The following LDLRAD4 variants were observed in gnomAD, a reference collection of about 807,000 sequenced individuals.
LDLRAD4 encodes the protein low-density lipoprotein receptor class A domain-containing protein 4.
Under a neutral mutation model 17.0 loss-of-function variants are expected in LDLRAD4, and 5 were observed. That is an observed-to-expected ratio of 0.29 (90% CI 0.15 to 0.62). The LOEUF is 0.62. Among genes scored for constraint, LDLRAD4 ranks in the 20% least tolerant of loss-of-function variants. The pLI is 0.84. For missense variants in LDLRAD4, 340 were observed against 424.7 expected, an observed-to-expected ratio of 0.80 and a Z score of 1.75; for synonymous variants, 168 against 171.8, an observed-to-expected ratio of 0.98 and a Z score of 0.17.
At chr18:13,579,616 A>G (rs1288748772) in intron 3 of LDLRAD4, among the ~76,000 whole-genome samples, 1 of 152,192 alleles carries the variant, frequency 6.6e-6, no homozygotes, top group Non-Finnish European at 1.5e-5. Flanking sequence ...GATCATAGTG[A>G]ATTTCAGGTT....
chr18:13,306,368 C>T (rs1356027452), intron 1 of LDLRAD4, among the ~76,000 whole-genome samples: 2 of 152,196 alleles, frequency 1.3e-5, no homozygotes, highest in Non-Finnish European at 2.9e-5. Context: ...TGTTTTGTCC[C>T]TGAAGTCAGG....
At chr18:13,376,950 G>A (rs2084957077) in intron 1 of LDLRAD4, among the ~76,000 whole-genome samples, 1 of 152,222 alleles carries the variant, frequency 6.6e-6, no homozygotes, top group African/African-American at 2.4e-5. Flanking sequence ...TAGAGACCAG[G>A]CAGCCTTCCC....
chr18:13,468,518 A>C (rs2092685193), intron 3 of LDLRAD4, among the ~76,000 whole-genome samples: 1 of 152,226 alleles, frequency 6.6e-6, no homozygotes, highest in Non-Finnish European at 1.5e-5. Context: ...CCAAAGGAAT[A>C]TAAATCATGC....
intron 1 of LDLRAD4, among the ~76,000 whole-genome samples, chr18:13,238,159 A>C (rs1481064132): frequency 6.6e-6 from 1 of 152,172 alleles, no homozygotes; most frequent in Admixed American, 6.5e-5. Context: ...TGCCTTTCCC[A>C]AGTCTGGAGG....
intron 1 of LDLRAD4, among the ~76,000 whole-genome samples, chr18:13,266,100 G>A (rs550457511): frequency 6.6e-6 from 1 of 152,220 alleles, no homozygotes; most frequent in Admixed American, 6.5e-5. Context: ...GGCAGTGAAC[G>A]TGTGTTTTAG....
Position 13,457,347 on chromosome 18 carries a change from G to A in LDLRAD4, c.181+18963G>A, listed in dbSNP as rs556565600. Among the ~76,000 whole-genome samples, 8 of 152,314 alleles carry A rather than the reference G, an allele frequency of 5.3e-5. No homozygotes were observed. The East Asian group carries it at 1.5e-3, about 29-fold the overall frequency. ...GGGCATGGGGAAGATGTGGAGTCCT[G>A]TGCCCTCCCTGGGCACCCCCCTCCA... On this transcript the variant is annotated intron_variant, in intron 3 of 5. Coordinates refer to ENST00000359446, the Ensembl canonical transcript of LDLRAD4.
At chr18:13,267,905 A>G (rs2044310220) in intron 1 of LDLRAD4, among the ~76,000 whole-genome samples, 1 of 152,044 alleles carries the variant, frequency 6.6e-6, no homozygotes, top group African/African-American at 2.4e-5. Context: ...TTTTAAAACA[A>G]TTTTTTAGAG....
intron 1 of LDLRAD4, among the ~76,000 whole-genome samples, chr18:13,357,649 A>G (rs1160548389): frequency 6.6e-6 from 1 of 152,180 alleles, no homozygotes; most frequent in Non-Finnish European, 1.5e-5. Flanking sequence ...GTGCCTGTCC[A>G]TATTTCTTTT....
chr18:13,523,652 C>T (rs969728660), intron 3 of LDLRAD4, among the ~76,000 whole-genome samples: 14 of 152,204 alleles, frequency 9.2e-5, no homozygotes, highest in African/African-American at 3.4e-4. Context: ...CTCCCCATTT[C>T]CTTGCTGTGT....
chr18:13,223,807 T>C (rs1449078704), intron 1 of LDLRAD4, among the ~76,000 whole-genome samples: 1 of 152,234 alleles, frequency 6.6e-6, no homozygotes, highest in East Asian at 1.9e-4. Context: ...ACATGGGTCC[T>C]CCTGCCATCT....
At chr18:13,647,814 A>C (rs1043768504) in exon 6 of LDLRAD4, 1 of 152,210 alleles carries the variant, frequency 6.6e-6, no homozygotes, top group East Asian at 1.9e-4. Context: ...GGAGGTTCTG[A>C]GACTGGATTC....
intron 1 of LDLRAD4, among the ~76,000 whole-genome samples, chr18:13,315,532 A>C (rs1325558937): frequency 1.3e-5 from 2 of 152,100 alleles, no homozygotes. Flanking sequence ...GGTGGCTCAC[A>C]CCAGCACTTT....
At chr18:13,620,325 T>C (rs915272996) in intron 3 of LDLRAD4, among the ~76,000 whole-genome samples, 1 of 152,192 alleles carries the variant, frequency 6.6e-6, no homozygotes, top group African/African-American at 2.4e-5. Flanking sequence ...GTCTTCCTCT[T>C]AGCATCCCCG....
intron 3 of LDLRAD4, among the ~76,000 whole-genome samples, chr18:13,581,688 A>G (rs1409980866): frequency 6.6e-6 from 1 of 151,776 alleles, no homozygotes; most frequent in Non-Finnish European, 1.5e-5. Context: ...GACCCTTACC[A>G]GTGGTTAAAA....
At chr18:13,591,782 G>A (rs189697938) in intron 3 of LDLRAD4, among the ~76,000 whole-genome samples, 5 of 152,248 alleles carry the variant, frequency 3.3e-5, no homozygotes, top group Admixed American at 2.0e-4. Flanking sequence ...AGAACTAAGC[G>A]GTCACTTGTA....
chr18:13,582,081 C>T (rs2094868102), intron 3 of LDLRAD4, among the ~76,000 whole-genome samples: 1 of 152,114 alleles, frequency 6.6e-6, no homozygotes, highest in African/African-American at 2.4e-5. Flanking sequence ...GCCCCTAGCT[C>T]TCATGCATCT....
intron 3 of LDLRAD4, among the ~76,000 whole-genome samples, chr18:13,482,316 A>G (rs2093110823): frequency 6.6e-6 from 1 of 152,220 alleles, no homozygotes; most frequent in African/African-American, 2.4e-5. Flanking sequence ...GGGACAGGAC[A>G]GGAGCGCAGG....
intron 2 of LDLRAD4, among the ~76,000 whole-genome samples, chr18:13,393,745 G>A (rs116752268): frequency 8.5e-5 from 13 of 152,276 alleles, no homozygotes; most frequent in African/African-American, 3.1e-4. Flanking sequence ...CTTCATAACA[G>A]GAGTCCAGGC....
intron 1 of LDLRAD4, among the ~76,000 whole-genome samples, chr18:13,309,182 C>A (rs2047085336): frequency 6.6e-6 from 1 of 152,192 alleles, no homozygotes; most frequent in Non-Finnish European, 1.5e-5. Flanking sequence ...GCGACCCGGC[C>A]CCACTTGCCC....
Sources: gnomAD v4.1 joint callset for allele counts (sites outside exome capture counted in the v4.1 genomes callset) on GRCh38, gnomAD v4.1.1 for gene constraint, MANE v1.5 for transcripts, NCBI Gene and HGNC (gene_info 2026-07-23, HGNC 2026-07-21) for gene names.